Variants in TENM3 observed in about 807,000 individuals in gnomAD.
TENM3 encodes the protein teneurin-3.
TENM3 carries 63 observed loss-of-function variants against 255.1 expected under a neutral mutation model. The observed-to-expected ratio is 0.25, with a 90% CI of 0.20 to 0.30. The LOEUF is 0.30. Ranked by LOEUF, TENM3 falls within the 10% of genes least tolerant of loss-of-function variation. TENM3 has a pLI of 1.00. For missense variants in TENM3, 2,929 were observed against 3,461.1 expected (o/e 0.85, Z 3.86); for synonymous variants, 1,306 against 1,322.3 (o/e 0.99, Z 0.27).
intron 5 of TENM3, among the ~76,000 whole-genome samples, chr4:182,648,401 A>G (rs946423375): frequency 1.3e-5 from 2 of 151,426 alleles, no homozygotes; most frequent in African/African-American, 4.9e-5. Context: ...CTCCTGCCTC[A>G]GCCTCCCAAA....
intron 5 of TENM3, among the ~76,000 whole-genome samples, chr4:182,649,880 C>T (rs933656217): frequency 1.3e-5 from 2 of 150,258 alleles, no homozygotes; most frequent in African/African-American, 2.4e-5. Flanking sequence ...ACTTCCTTCT[C>T]TATGGATTTT....
At chr4:182,187,090 A>C (rs1221315591) in intron 1 of TENM3, among the ~76,000 whole-genome samples, 1 of 151,906 alleles carries the variant, frequency 6.6e-6, no homozygotes, top group Non-Finnish European at 1.5e-5. Flanking sequence ...TATTCAAAGC[A>C]TAAAAAGAAA....
rs188526074 is a variant in TENM3 at position 182,224,688 on chromosome 4, A to C, written c.-76+79934A>C. ...TGCCAAGCTTAGTTATTTCTGCAGT[A>C]AGGCAATGGAGTATGCAGGTTGAAA... On this transcript the variant is annotated intron_variant, in intron 1 of 2. Transcript: ENST00000512480. 2.1e-3 allele frequency among the ~76,000 whole-genome samples: 323 copies of C among 152,124 alleles called. 2 individuals carry two copies. Among genetic ancestry groups the C allele is most frequent in the African/African-American group, 7.1e-3 (294 of 41,512 alleles).
chr4:181,789,113 A>C, the TENM3 span, among the ~76,000 whole-genome samples: 27 of 152,040 alleles, frequency 1.8e-4, 1 homozygote, highest in Admixed American at 1.8e-3. Flanking sequence ...GATTAATATG[A>C]TATACATTTG....
At chr4:181,561,115 G>A in the TENM3 span, among the ~76,000 whole-genome samples, 2 of 152,012 alleles carry the variant, frequency 1.3e-5, no homozygotes, top group South Asian at 4.1e-4. Context: ...ACCAACGTCC[G>A]GCTAATTTTT....
At chr4:182,480,944 A>T (rs550440672) in intron 3 of TENM3, among the ~76,000 whole-genome samples, 136 of 152,278 alleles carry the variant, frequency 8.9e-4, no homozygotes, top group Non-Finnish European at 1.5e-3. Flanking sequence ...TTTGAAAGGC[A>T]CAAGTAGTTG....
chr4:181,629,184 T>A, the TENM3 span, among the ~76,000 whole-genome samples: 2 of 152,210 alleles, frequency 1.3e-5, no homozygotes, highest in Non-Finnish European at 2.9e-5. Flanking sequence ...CACATTGATT[T>A]TGTATCCTGA....
At chr4:181,598,657 A>G in the TENM3 span, among the ~76,000 whole-genome samples, 18 of 151,990 alleles carry the variant, frequency 1.2e-4, no homozygotes, top group African/African-American at 3.9e-4. Flanking sequence ...AATGTTTAAC[A>G]TATCCTGATT....
At chr4:181,503,148 T>G in the TENM3 span, among the ~76,000 whole-genome samples, 1 of 152,092 alleles carries the variant, frequency 6.6e-6, no homozygotes, top group Admixed American at 6.5e-5. Context: ...GGTCCCACCT[T>G]GAGGCCGGGA....
chr4:181,528,381 A>G, the TENM3 span, among the ~76,000 whole-genome samples: 3 of 152,226 alleles, frequency 2.0e-5, no homozygotes, highest in African/African-American at 2.4e-5. Flanking sequence ...CAGACCCTCT[A>G]GCACAGTGCT....
the TENM3 span, among the ~76,000 whole-genome samples, chr4:181,908,954 T>G: frequency 2.0e-5 from 3 of 152,206 alleles, no homozygotes; most frequent in Non-Finnish European, 4.4e-5. Flanking sequence ...TATTTGGTTA[T>G]AGGTATTAGA....
chr4:182,118,379 T>C, the TENM3 span, among the ~76,000 whole-genome samples: 1 of 152,192 alleles, frequency 6.6e-6, no homozygotes, highest in Non-Finnish European at 1.5e-5. Flanking sequence ...GTGGGAAAGC[T>C]TCAAGTTTCT....
the TENM3 span, among the ~76,000 whole-genome samples, chr4:181,867,318 G>A: frequency 4.2e-4 from 64 of 152,002 alleles, no homozygotes; most frequent in Non-Finnish European, 8.5e-4. Context: ...TTTGTCCCCC[G>A]GACTTGGGCT....
chr4:181,648,703 C>T, the TENM3 span, among the ~76,000 whole-genome samples: 2 of 152,148 alleles, frequency 1.3e-5, no homozygotes, highest in Non-Finnish European at 2.9e-5. Flanking sequence ...CTGTACTAGC[C>T]ACCCAAGAGA....
the TENM3 span, among the ~76,000 whole-genome samples, chr4:182,137,341 C>T: frequency 1.1e-4 from 16 of 150,854 alleles, no homozygotes; most frequent in African/African-American, 2.7e-4. Context: ...CCTCCCCCCC[C>T]CCAAAAAGGA....
At chr4:182,204,919 A>G (rs1024539592) in intron 1 of TENM3, among the ~76,000 whole-genome samples, 16 of 152,358 alleles carry the variant, frequency 1.1e-4, no homozygotes, top group Non-Finnish European at 5.9e-5. Context: ...TAAGATATTC[A>G]TGACAACTGA....
At chr4:181,595,443 A>AAAAAAAAAAC in the TENM3 span, among the ~76,000 whole-genome samples, 2 of 130,774 alleles carry the variant, frequency 1.5e-5, 1 homozygote, top group African/African-American at 6.7e-5. Flanking sequence ...AAAAAAAAAA[A>AAAAAAAAAAC]AAAAAAAAAA....
intron 3 of TENM3, among the ~76,000 whole-genome samples, chr4:182,379,012 G>A (rs1363451709): frequency 6.6e-6 from 1 of 152,188 alleles, no homozygotes; most frequent in Admixed American, 6.5e-5. Flanking sequence ...GTAGTTCTAA[G>A]CGGGAAGATC....
chr4:182,356,147 A>G (rs1259985175), intron 3 of TENM3, among the ~76,000 whole-genome samples: 2 of 152,130 alleles, frequency 1.3e-5, no homozygotes, highest in Admixed American at 1.3e-4. Context: ...AAAAAACCCA[A>G]AAGATTAATT....
Sources: allele counts gnomAD v4.1 joint callset (sites outside exome capture counted in the v4.1 genomes callset), GRCh38; gene constraint gnomAD v4.1.1; transcripts MANE v1.5; gene names NCBI Gene and HGNC (gene_info 2026-07-23, HGNC 2026-07-21).